The following ZNF180 variants were observed in gnomAD, a reference collection of about 807,000 sequenced individuals.
The protein encoded by ZNF180 is zinc finger protein 180 (HHZ168).
In ZNF180, 11 loss-of-function variants were observed where a neutral mutation model predicts 11.8. That is an observed-to-expected ratio of 0.93 (90% CI 0.59 to 1.55). ZNF180 has a LOEUF of 1.55. ZNF180 is among the 40% of genes most tolerant of loss of function. The pLI is 0.00. For synonymous variants in ZNF180, 287 were observed against 257.7 expected, an observed-to-expected ratio of 1.11 and a Z score of -1.09; for missense variants, 773 against 781.7, an observed-to-expected ratio of 0.99 and a Z score of 0.13.
chr19:44,486,395 A>T (rs2123466141), intron 2 of ZNF180, among the ~76,000 whole-genome samples: 1 of 152,358 alleles, frequency 6.6e-6, no homozygotes, highest in African/African-American at 2.4e-5. Flanking sequence ...TTTGGAAACC[A>T]GGAAAGGTGC....
At chr19:44,494,864 T>G (rs954142740) in intron 2 of ZNF180, among the ~76,000 whole-genome samples, 1 of 152,258 alleles carries the variant, frequency 6.6e-6, no homozygotes, top group African/African-American at 2.4e-5. Flanking sequence ...CCATTAACAA[T>G]AAACCCATAA....
chr19:44,480,870 A>G (rs1460936676), intron 3 of ZNF180, among the ~76,000 whole-genome samples: 1 of 152,130 alleles, frequency 6.6e-6, no homozygotes. Flanking sequence ...TTTTTGGATT[A>G]GGGGTGCTTA....
intron 2 of ZNF180, among the ~76,000 whole-genome samples, chr19:44,487,182 T>C (rs949201120): frequency 6.6e-6 from 1 of 152,228 alleles, no homozygotes; most frequent in African/African-American, 2.4e-5. Flanking sequence ...TTTTTTCTCC[T>C]TATCTATCTA....
intron 2 of ZNF180, among the ~76,000 whole-genome samples, chr19:44,489,278 C>T (rs200763407): frequency 3.6e-5 from 5 of 137,694 alleles, no homozygotes; most frequent in African/African-American, 7.8e-5. Context: ...ATGACAATGG[C>T]GGTTTTGTGG....
At chr19:44,491,158 G>C (rs1458528396) in intron 2 of ZNF180, among the ~76,000 whole-genome samples, 2 of 152,226 alleles carry the variant, frequency 1.3e-5, no homozygotes, top group Non-Finnish European at 2.9e-5. Flanking sequence ...CATGGAATGT[G>C]CTACCTGTAA....
intron 2 of ZNF180, 177 bp from the exon 3 acceptor site, chr19:44,484,612 G>C (rs1270915722): frequency 1.1e-5 from 7 of 618,346 alleles, no homozygotes; most frequent in Non-Finnish European, 8.8e-6. Flanking sequence ...TGGAGAGAGA[G>C]AGGAGATACA....
Position 44,476,955 on chromosome 19 carries a change from A to G in ZNF180, c.1445T>C (p.Val482Ala). Residue 482 changes from valine to alanine, a missense_variant, in exon 5 of 5, where the codon GTT becomes GCT. Coordinates refer to ENST00000592529, the MANE Select transcript of ZNF180 (RefSeq NM_001278509.3). ...TCCTGTGTGAGTTCTCTGATGAGCA[A>G]CAAGTTTATAACTTTGACTAAAGGA... Reference protein sequence around the residue: ...GKSFSQSYKLVAHQRTHTGEK... With the variant: ...GKSFSQSYKLAAHQRTHTGEK... 1 of 1,614,050 alleles carries G rather than the reference A, an allele frequency of 6.2e-7. No homozygotes were observed. Among genetic ancestry groups the G allele is most frequent in the Non-Finnish European group, 8.5e-7 (1 of 1,179,994 alleles).
chr19:44,484,608 G>C, intron 2 of ZNF180, 173 bp from the exon 3 acceptor site: 1 of 620,240 alleles, frequency 1.6e-6, no homozygotes, highest in Non-Finnish European at 2.9e-6. Flanking sequence ...CATGTGGAGA[G>C]AGAGAGGAGA....
chr19:44,498,058 G>A (rs1316443337), intron 1 of ZNF180, among the ~76,000 whole-genome samples: 6 of 151,936 alleles, frequency 3.9e-5, no homozygotes, highest in African/African-American at 1.2e-4. Context: ...GCTCCTACTC[G>A]AACAGCACCA....
chr19:44,488,157 CTTT>C lies in ZNF180; in HGVS notation c.52-3725_52-3723del, dbSNP rs1271025969. 9.2e-4 allele frequency among the ~76,000 whole-genome samples: 102 copies of C among 110,284 alleles called. 2 individuals carry two copies. The highest frequency in any genetic ancestry group is 3.2e-3 in the African/African-American group (80 of 25,306). The allele number at this position is 110,284 out of a possible 152,430, so 72.4% of individuals were successfully genotyped here. A position where few individuals can be genotyped will look rare whatever the true frequency, so the allele number is the denominator to read the frequency against. ...CTTTCCACGGTCTCCCTCTCCCTCT[CTTT>C]CCACGGTCTCCCTCTCCTTCTCTTT... On this transcript the variant is annotated intron_variant, in intron 2 of 4. Coordinates refer to ENST00000592529, the MANE Select transcript of ZNF180 (RefSeq NM_001278509.3).
At chr19:44,499,756 C>A (rs867044607) in intron 1 of ZNF180, among the ~76,000 whole-genome samples, 32 of 152,174 alleles carry the variant, frequency 2.1e-4, no homozygotes, top group African/African-American at 7.5e-4. Context: ...CCAACCACAG[C>A]GCCCCCAGAC....
rs1216909227 is a variant in ZNF180 at position 44,491,325 on chromosome 19, A to G, written c.51+5959T>C. Among the ~76,000 whole-genome samples the G allele has an allele frequency of 4.6e-5, 7 of 152,214 alleles. No homozygotes were observed. The East Asian group carries it at 1.2e-3, about 25-fold the overall frequency. On this transcript the variant is annotated intron_variant, in intron 2 of 4. Transcript: ENST00000592529. The stretch of plus-strand genomic sequence containing the variant: ...TGCTCCCAACTTACTCTTACAAACT[A>G]AATGCTCAGAAACAAGCTTGCAACA...
chr19:44,489,680 T>C (rs1970371753), intron 2 of ZNF180, among the ~76,000 whole-genome samples: 2 of 138,064 alleles, frequency 1.4e-5, no homozygotes, highest in Admixed American at 1.5e-4. Context: ...CCCTCCACTA[T>C]TGTCCTATGA....
chr19:44,497,511 G>T, intron 1 of ZNF180, 134 bp from the exon 2 acceptor site: 1 of 858,400 alleles, frequency 1.2e-6, no homozygotes, highest in Non-Finnish European at 1.7e-6. Flanking sequence ...GTTCCTGCCA[G>T]CTTCCTGCCC....
chr19:44,483,152 T>C (rs1970126832), intron 3 of ZNF180, among the ~76,000 whole-genome samples: 1 of 152,250 alleles, frequency 6.6e-6, no homozygotes, highest in South Asian at 2.1e-4. Flanking sequence ...TTAAGGCCAT[T>C]ATGCTACCGA....
rs753205389 is a variant in ZNF180 at position 44,477,995 on chromosome 19, C to T, written c.405G>A (p.Leu135=). 6.2e-7 allele frequency: 1 copy of T among 1,614,042 alleles called. No individual in the cohort carries two copies. Among genetic ancestry groups the T allele is most frequent in the Non-Finnish European group, 8.5e-7 (1 of 1,179,972 alleles). Residue 135 remains leucine, a synonymous_variant, in exon 5 of 5, where the codon TTG becomes TTA. Transcript: ENST00000592529. ...CEEVDDCKDQ[L]EKQQEKQEIL... ...TCTCTTGTTTTTCCTGTTGCTTCTCCAACTGGTCTTTACAATCATCCACTT... is the reference window on the plus strand; with the variant it reads ...TCTCTTGTTTTTCCTGTTGCTTCTCTAACTGGTCTTTACAATCATCCACTT...
chr19:44,487,385 G>T (rs2686766), intron 2 of ZNF180, among the ~76,000 whole-genome samples: 36,647 of 152,178 alleles, frequency 0.24, 5,585 homozygotes, highest in South Asian at 0.39. Flanking sequence ...AAGCCAAGAG[G>T]TTGTGTTGCT....
intron 2 of ZNF180, 67 bp from the exon 3 acceptor site, chr19:44,484,502 T>G: frequency 8.9e-7 from 1 of 1,129,412 alleles, no homozygotes; most frequent in Non-Finnish European, 1.3e-6. Context: ...TCAAATCTCC[T>G]CCGGTCAGTG....
chr19:44,487,511 A>G (rs1970260166), intron 2 of ZNF180, among the ~76,000 whole-genome samples: 1 of 152,178 alleles, frequency 6.6e-6, no homozygotes, highest in Non-Finnish European at 1.5e-5. Context: ...GCGCCATGAC[A>G]GTTTTGTCAG....
Sources: allele counts gnomAD v4.1 joint callset (sites outside exome capture counted in the v4.1 genomes callset), GRCh38; gene constraint gnomAD v4.1.1; transcripts MANE v1.5; gene names NCBI Gene and HGNC (gene_info 2026-07-23, HGNC 2026-07-21).